The following PGRMC2 variants were observed in gnomAD, a reference collection of about 807,000 sequenced individuals.
PGRMC2 encodes the protein membrane-associated progesterone receptor component 2.
Under a neutral mutation model 19.3 loss-of-function variants are expected in PGRMC2, and 9 were observed. The observed-to-expected ratio is 0.47, with a 90% CI of 0.28 to 0.81. PGRMC2 has a LOEUF of 0.81. Among genes scored for constraint, PGRMC2 ranks in the 40% least tolerant of loss-of-function variants. PGRMC2 has a pLI of 0.11. For synonymous variants in PGRMC2, 157 were observed against 124.6 expected (o/e 1.26, Z -1.73); for missense variants, 289 against 297.3 (o/e 0.97, Z 0.21).
intron 1 of PGRMC2, chr4:128,273,190 A>G (rs1372050654): frequency 6.6e-6 from 1 of 152,256 alleles, no homozygotes; most frequent in African/African-American, 2.4e-5. Flanking sequence ...GTCATTAAGG[A>G]AAATAATAGC....
intron 1 of PGRMC2, 53 bp downstream of exon 1, chr4:128,287,320 G>C: frequency 6.5e-7 from 1 of 1,545,178 alleles, no homozygotes; most frequent in East Asian, 2.3e-5. Flanking sequence ...CTGTCCGAAG[G>C]GGGTTGTGCT....
At chr4:128,272,871 A>T in intron 1 of PGRMC2, 1 of 169,332 alleles carries the variant, frequency 5.9e-6, no homozygotes, top group Non-Finnish European at 1.3e-5. Context: ...GCTTGAGGGG[A>T]AATAATGTTT....
chr4:128,281,818 G>C (rs1760914378), intron 1 of PGRMC2, among the ~76,000 whole-genome samples: 1 of 152,188 alleles, frequency 6.6e-6, no homozygotes, highest in Non-Finnish European at 1.5e-5. Context: ...AGTATGATCA[G>C]TTCTAGATCT....
In PGRMC2 at chr4:128,287,578, C is replaced by T; in HGVS notation, c.213G>A (p.Leu71=). ...GACCCCGCCGCCCCCAGCGCACCCA[C>T]AGCCGGTAGGCCCCCAGCAGCACCA... ...VALVLLGAYR[L]WVRWGRRGLG... The change falls in exon 1 of 3, where the codon CTG becomes CTA. Residue 71 remains leucine, a synonymous_variant. Transcript: ENST00000296425. 3 of 1,533,912 alleles carry T rather than the reference C, an allele frequency of 2.0e-6. No homozygotes were observed. Among genetic ancestry groups the T allele is most frequent in the Non-Finnish European group, 2.6e-6 (3 of 1,140,430 alleles).
intron 1 of PGRMC2, among the ~76,000 whole-genome samples, chr4:128,275,980 C>A (rs1232726424): frequency 6.6e-6 from 1 of 152,188 alleles, no homozygotes; most frequent in Non-Finnish European, 1.5e-5. Context: ...CCTGCCTTTG[C>A]CTCCCAAAGT....
intron 1 of PGRMC2, chr4:128,286,571 G>C (rs939131688): frequency 2.0e-5 from 8 of 397,438 alleles, no homozygotes; most frequent in African/African-American, 1.7e-4. Context: ...CATTATCAAC[G>C]TGTACTTGAA....
Position 128,287,546 on chromosome 4 carries a change from G to A in PGRMC2, c.245C>T (p.Ala82Val). ...GCTCTCCTCGCCCGCCCCGGCCCCG[G>A]CCCCCAGACCCCGCCGCCCCCAGCG... ...WVRWGRRGLG[A>V]GAGAGEESPA... Residue 82 changes from alanine (A) to valine (V), a missense_variant, in exon 1 of 3, where the codon GCC becomes GTC. Physicochemically the swap from Ala to Val is moderately conservative, Grantham distance 64. Transcript: ENST00000296425. 6.7e-7 allele frequency: 1 copy of A among 1,494,700 alleles called. No homozygotes were observed. Among genetic ancestry groups the A allele is most frequent in the Non-Finnish European group, 9.0e-7 (1 of 1,110,184 alleles). 92.6% of individuals were successfully genotyped at this position (1,494,700 alleles called of 1,614,324 possible). A position where few individuals can be genotyped will look rare whatever the true frequency, so the allele number is the denominator to read the frequency against.
chr4:128,286,592 AAAAG>A, intron 1 of PGRMC2: 1 of 398,516 alleles, frequency 2.5e-6, no homozygotes, highest in Non-Finnish European at 4.4e-6. Context: ...AAGAGAAAAA[AAAAG>A]AAAAAAGAAA....
intron 1 of PGRMC2, among the ~76,000 whole-genome samples, chr4:128,282,431 G>C (rs1459326610): frequency 6.6e-6 from 1 of 152,184 alleles, no homozygotes; most frequent in Non-Finnish European, 1.5e-5. Context: ...CTGAATAACA[G>C]CTTCTGGTTT....
At chr4:128,281,995 A>T (rs2110563430) in intron 1 of PGRMC2, among the ~76,000 whole-genome samples, 1 of 152,144 alleles carries the variant, frequency 6.6e-6, no homozygotes, top group East Asian at 1.9e-4. Flanking sequence ...TAGCCACTTA[A>T]TCTAAATAAA....
At chr4:128,285,999 CCTA>C (rs1760976872) in intron 1 of PGRMC2, among the ~76,000 whole-genome samples, 1 of 151,848 alleles carries the variant, frequency 6.6e-6, no homozygotes, top group South Asian at 2.1e-4. Flanking sequence ...CCAAAAATCT[CCTA>C]TTTCTTATCC....
chr4:128,273,093 A>G (rs1327088260), intron 1 of PGRMC2: 1 of 152,164 alleles, frequency 6.6e-6, no homozygotes, highest in Admixed American at 6.5e-5. Context: ...ATCTTTGCTG[A>G]GTGGTTTAAT....
At chr4:128,273,301 T>C (rs1339990410) in intron 1 of PGRMC2, among the ~76,000 whole-genome samples, 7 of 152,122 alleles carry the variant, frequency 4.6e-5, no homozygotes, top group Non-Finnish European at 5.9e-5. Context: ...ATCCAAGGAA[T>C]TGGGTACCAT....
In PGRMC2 at chr4:128,269,266, G is replaced by A. The variant is rs1760688995; in HGVS notation, c.*2050C>T. The A allele has an allele frequency of 6.6e-6, 1 of 152,060 alleles. No individual in the cohort carries two copies. Among genetic ancestry groups the A allele is most frequent in the African/African-American group, 2.4e-5 (1 of 41,394 alleles). The allele number at this position is 152,060 out of a possible 1,614,324, so 9.4% of individuals were successfully genotyped here. On this transcript the variant is annotated 3_prime_UTR_variant, in exon 3 of 3. Transcript: ENST00000296425. ...GTTGAGGAATTATCTACAGAACACT[G>A]TTTATTTCAAGTCCAAAACACAAAT...
chr4:128,285,187 G>A lies in PGRMC2; in HGVS notation c.418+2186C>T, dbSNP rs1019145757. Reference sequence around the variant, plus strand: ...GTCGCCCAGGCTGGAGTGCAATGGCGCAATCTCGGCTCACTGCAACCCCCA... The same window carrying A: ...GTCGCCCAGGCTGGAGTGCAATGGCACAATCTCGGCTCACTGCAACCCCCA... On this transcript the variant is annotated intron_variant, in intron 1 of 2. Transcript: ENST00000296425. 3.9e-5 allele frequency among the ~76,000 whole-genome samples: 6 copies of A among 152,124 alleles called. No homozygotes were observed. In the South Asian group the frequency reaches 8.3e-4, roughly 21 times the overall value.
chr4:128,283,023 A>G (rs1435449303), intron 1 of PGRMC2, among the ~76,000 whole-genome samples: 2 of 152,252 alleles, frequency 1.3e-5, no homozygotes, highest in Non-Finnish European at 2.9e-5. Flanking sequence ...ATAAGGGAGC[A>G]GCAGTATTGC....
chr4:128,276,925 G>A (rs531496847), intron 1 of PGRMC2, among the ~76,000 whole-genome samples: 1 of 152,196 alleles, frequency 6.6e-6, no homozygotes, highest in South Asian at 2.1e-4. Context: ...ACCAACAAGA[G>A]GCAGGCGGAT....
chr4:128,271,643 G>T (rs1760731305), intron 2 of PGRMC2, among the ~76,000 whole-genome samples: 1 of 152,222 alleles, frequency 6.6e-6, no homozygotes, highest in African/African-American at 2.4e-5. Context: ...CTTTGCAAGA[G>T]GGTGTTCTGT....
At position 128,270,768 on chromosome 4, in the gene PGRMC2, G is replaced by A. The variant is rs1326181722; in HGVS notation, c.*548C>T. On this transcript the variant is annotated 3_prime_UTR_variant, in exon 3 of 3. Coordinates refer to ENST00000296425, the MANE Select transcript of PGRMC2 (RefSeq NM_006320.6). ...AGATATTTTTCTTTTCCCTGACAAA[G>A]CCAAAAAGAAAAGTTTGGGAATTCA... 6.6e-6 allele frequency: 1 copy of A among 152,076 alleles called. No homozygotes were observed. Among genetic ancestry groups the A allele is most frequent in the Non-Finnish European group, 1.5e-5 (1 of 68,012 alleles). The allele number at this position is 152,076 out of a possible 1,614,324, so 9.4% of individuals were successfully genotyped here.
Sources: gnomAD v4.1 joint callset for allele counts (sites outside exome capture counted in the v4.1 genomes callset) on GRCh38, gnomAD v4.1.1 for gene constraint, MANE v1.5 for transcripts, NCBI Gene and HGNC (gene_info 2026-07-23, HGNC 2026-07-21) for gene names.